SULT6B1: variants seen among roughly 807,000 people sequenced by gnomAD.
SULT6B1 encodes the protein sulfotransferase family 6B member 1.
Under a neutral mutation model 37.2 loss-of-function variants are expected in SULT6B1, and 44 were observed. That is an observed-to-expected ratio of 1.18 (90% CI 0.93 to 1.52). The LOEUF (loss-of-function observed/expected upper bound fraction) is 1.52, where lower values mean the gene tolerates loss of function less well. Among genes scored for constraint, SULT6B1 ranks in the 40% most tolerant of loss-of-function variants. The pLI, the probability that SULT6B1 is intolerant of heterozygous loss-of-function variation, is 0.00. For synonymous variants in SULT6B1, 140 were observed against 126.0 expected (o/e 1.11, Z -0.74); for missense variants, 450 against 361.0 (o/e 1.25, Z -2.00).
chr2:37,194,906 TTCCTTCCTTCCTTCCTTCCTTCCTTCC>T (rs1558455833), intron 1 of SULT6B1, among the ~76,000 whole-genome samples: 16 of 25,652 alleles, frequency 6.2e-4, no homozygotes, highest in African/African-American at 2.9e-3. Flanking sequence ...CTTTCCTTCC[TTCCTTCCTTCCTTCCTTCCTTCCTTCC>T]TTCCTTCCTT....
chr2:37,188,591 T>A lies in SULT6B1; in HGVS notation c.50A>T (p.Lys17Ile). Residue 17 changes from lysine to isoleucine, a missense_variant, in exon 1 of 7, where the codon AAA becomes ATA. Transcript: ENST00000535679. ...FIEYIDEALE[K>I]SKETALSHLF... is the part of the protein sequence containing the mutation. The stretch of plus-strand genomic sequence containing the variant: ...ATGAGAGAGTGCAGTTTCTTTTGAT[T>A]TTTCTAAAGCTTCGTCAATGTATTC... The A allele has an allele frequency of 2.6e-6, 4 of 1,549,948 alleles. No individual in the cohort carries two copies. The highest frequency in any genetic ancestry group is 3.6e-6 in the Non-Finnish European group (4 of 1,121,808).
chr2:37,180,054 A>T (rs149683943), intron 3 of SULT6B1, among the ~76,000 whole-genome samples: 1 of 152,232 alleles, frequency 6.6e-6, no homozygotes, highest in Non-Finnish European at 1.5e-5. Flanking sequence ...CTGAATTCCT[A>T]TATCTGCCTT....
At chr2:37,182,899 C>T (rs62135001) in intron 3 of SULT6B1, among the ~76,000 whole-genome samples, 45,331 of 151,922 alleles carry the variant, frequency 0.3, 7,770 homozygotes, top group East Asian at 0.78. Flanking sequence ...AAAATAGTTT[C>T]AGCGAGGCAT....
chr2:37,175,213 C>T lies in SULT6B1; in HGVS notation c.543G>A (p.Arg181=), dbSNP rs45439591. ...QFMKGQVSWG[R]YFDFAINWNK... ...TCCAATTGATTGCAAAATCAAAATA[C>T]CTTCCCCAAGAAACTAAAAACACAG... is the stretch of plus-strand genomic sequence containing the variant. The change falls in exon 5 of 7, where the codon AGG becomes AGA. Residue 181 remains arginine, a synonymous_variant. Transcript: ENST00000535679. 8 of 1,584,490 alleles carry T rather than the reference C, an allele frequency of 5.0e-6. No homozygotes were observed. The highest frequency in any genetic ancestry group is 6.0e-6 in the Non-Finnish European group (7 of 1,164,100).
upstream of SULT6B1, among the ~76,000 whole-genome samples, chr2:37,192,563 T>A (rs1372165581): frequency 6.6e-6 from 1 of 152,214 alleles, no homozygotes; most frequent in African/African-American, 2.4e-5. Flanking sequence ...TAGCTGTAGT[T>A]GCAAAGGTGT....
rs930160327 is a variant in SULT6B1, at chr2:37,185,048, A to C, written c.313-1534T>G. Among the ~76,000 whole-genome samples the C allele has an allele frequency of 2.6e-5, 4 of 152,058 alleles. No homozygotes were observed. In the South Asian group the frequency reaches 8.3e-4, roughly 32 times the overall value. On this transcript the variant is annotated intron_variant, in intron 2 of 6. Coordinates refer to ENST00000535679, the MANE Select transcript of SULT6B1 (RefSeq NM_001367551.1). ...CTCTTAGGTAGATATCGTAACCCCC[A>C]TTTTAGAGATTAAGAACAGGCTTTG...
intron 4 of SULT6B1, among the ~76,000 whole-genome samples, chr2:37,179,054 G>A (rs1391793120): frequency 6.6e-6 from 1 of 152,182 alleles, no homozygotes; most frequent in East Asian, 1.9e-4. Flanking sequence ...TGCCTTCTGG[G>A]TATAAGCAAT....
chr2:37,182,355 G>A (rs1676572486), intron 3 of SULT6B1, among the ~76,000 whole-genome samples: 1 of 151,846 alleles, frequency 6.6e-6, no homozygotes, highest in African/African-American at 2.4e-5. Context: ...TCAGATTCAA[G>A]CGATTCTGCT....
chr2:37,179,955 T>A (rs1676514988), intron 3 of SULT6B1, among the ~76,000 whole-genome samples: 1 of 152,078 alleles, frequency 6.6e-6, no homozygotes, highest in African/African-American at 2.4e-5. Flanking sequence ...ACAAAAATAA[T>A]GTTTTAGAGT....
In SULT6B1 at chr2:37,183,521, A is replaced by T. The variant is rs1286002892; in HGVS notation, c.313-7T>A. 6.2e-7 allele frequency: 1 copy of T among 1,609,288 alleles called. No homozygotes were observed. Among genetic ancestry groups the T allele is most frequent in the East Asian group, 2.2e-5 (1 of 44,854 alleles). On this transcript the variant is annotated splice_region_variant and splice_polypyrimidine_tract_variant and intron_variant, in intron 2 of 6. Transcript: ENST00000535679. ...ATGGAAAGCCTTTCATTCTCTTAAA[A>T]ATATACACAAAAAGGTGAAAATGTG...
chr2:37,177,411 C>CAAAAAAAAAA (rs57205863), intron 4 of SULT6B1, among the ~76,000 whole-genome samples: 2 of 76,290 alleles, frequency 2.6e-5, no homozygotes, highest in African/African-American at 5.1e-5. Context: ...AATCTTGTCT[C>CAAAAAAAAAA]AAAAAAAAAA....
intron 6 of SULT6B1, among the ~76,000 whole-genome samples, chr2:37,170,671 G>A (rs1371259419): frequency 1.4e-5 from 2 of 147,446 alleles, no homozygotes; most frequent in African/African-American, 5.0e-5. Context: ...CCAGGAAGCA[G>A]AGGTTGCAGT....
At chr2:37,190,744 G>T (rs1400855628), upstream of SULT6B1, among the ~76,000 whole-genome samples, 1 of 152,160 alleles carries the variant, frequency 6.6e-6, no homozygotes, top group Non-Finnish European at 1.5e-5. Flanking sequence ...AGACATTTGG[G>T]AGTGGTACAG....
chr2:37,168,071 A>C lies in SULT6B1; in HGVS notation c.782-6T>G. 3.2e-6 allele frequency: 5 copies of C among 1,578,170 alleles called. No individual in the cohort carries two copies. The highest frequency in any genetic ancestry group is 4.3e-6 in the Non-Finnish European group (5 of 1,169,686). On this transcript the variant is annotated splice_region_variant and splice_polypyrimidine_tract_variant and intron_variant, in intron 6 of 6. Coordinates refer to ENST00000535679, the MANE Select transcript of SULT6B1 (RefSeq NM_001367551.1). ...TTTCCAATCACCAACTTCACCTACAACACACAAAAAACAGTAGACCCAGAT... is the reference window on the plus strand; with the variant it reads ...TTTCCAATCACCAACTTCACCTACACCACACAAAAAACAGTAGACCCAGAT...
chr2:37,186,410 C>T (rs1259870487), intron 2 of SULT6B1, among the ~76,000 whole-genome samples: 1 of 152,148 alleles, frequency 6.6e-6, no homozygotes, highest in Non-Finnish European at 1.5e-5. Flanking sequence ...CTTGCCTTCC[C>T]TGGGCAGGGA....
intron 1 of SULT6B1, among the ~76,000 whole-genome samples, chr2:37,187,908 A>G (rs1245465482): frequency 6.6e-6 from 1 of 152,250 alleles, no homozygotes; most frequent in African/African-American, 2.4e-5. Context: ...AAACAACAGT[A>G]GAAAGAATCA....
At chr2:37,186,854 C>G (rs898889596) in intron 2 of SULT6B1, among the ~76,000 whole-genome samples, 1 of 152,130 alleles carries the variant, frequency 6.6e-6, no homozygotes, top group Non-Finnish European at 1.5e-5. Context: ...CATGATCACA[C>G]CACTGCACTG....
rs367596840 is a variant in SULT6B1 at position 37,171,538 on chromosome 2, G to T, written c.677C>A (p.Thr226Asn). The stretch of plus-strand genomic sequence containing the variant: ...TGAGATAGTTTGAATTTGCTCCCCA[G>T]TTAGAAAGAATCCCAAGAACTCAGC... ...QIAEFLGFFLTGEQIQTISVQ... is the reference protein window; with the variant it reads ...QIAEFLGFFLNGEQIQTISVQ... The change falls in exon 6 of 7, where the codon ACT (threonine) becomes AAT (asparagine). Residue 226 changes from threonine to asparagine, a missense_variant. By Grantham distance (65) the Thr-to-Asn change is moderately conservative (BLOSUM62 0). Transcript: ENST00000535679. The T allele has an allele frequency of 6.2e-7, 1 of 1,614,042 alleles. No individual in the cohort carries two copies. The highest frequency in any genetic ancestry group is 8.5e-7 in the Non-Finnish European group (1 of 1,180,018).
At chr2:37,188,386 C>G (rs1676717071) in intron 1 of SULT6B1, 56 bp downstream of exon 1, 1 of 1,480,494 alleles carries the variant, frequency 6.8e-7, no homozygotes, top group East Asian at 2.3e-5. Context: ...GTCTCATACC[C>G]TCCCCAACCT....
Sources: allele counts gnomAD v4.1 joint callset (sites outside exome capture counted in the v4.1 genomes callset), GRCh38; gene constraint gnomAD v4.1.1; transcripts MANE v1.5; gene names NCBI Gene and HGNC (gene_info 2026-07-23, HGNC 2026-07-21).